Variants in PRKG2 observed in about 807,000 individuals in gnomAD.
PRKG2 encodes the protein protein kinase cGMP-dependent 2, also known as cGMP-dependent protein kinase 2.
A neutral mutation model predicts 97.2 loss-of-function variants in PRKG2; 33 were observed. That is an observed-to-expected ratio of 0.34 (90% CI 0.26 to 0.45). The LOEUF (loss-of-function observed/expected upper bound fraction) is 0.45, where lower values mean the gene tolerates loss of function less well. Ranked by LOEUF, PRKG2 falls within the 20% of genes least tolerant of loss-of-function variation. PRKG2 has a pLI of 1.00. For missense variants in PRKG2, 638 were observed against 900.0 expected (o/e 0.71, Z 3.73); for synonymous variants, 330 against 321.8 (o/e 1.03, Z -0.27).
intron 1 of PRKG2, among the ~76,000 whole-genome samples, chr4:81,208,078 T>G (rs1418616831): frequency 6.6e-6 from 1 of 152,184 alleles, no homozygotes; most frequent in Non-Finnish European, 1.5e-5. Flanking sequence ...GAGATAAAGA[T>G]CAGAATTTAA....
rs115653264 is a variant in PRKG2, at chr4:81,164,195, A to G, written c.912+2966T>C. 1.8e-3 allele frequency among the ~76,000 whole-genome samples: 276 copies of G among 152,258 alleles called. 2 individuals are homozygous for G. The highest frequency in any genetic ancestry group is 6.3e-3 in the African/African-American group (262 of 41,562). ...AATTCTATGATTTAAATGTTGAAAGAGCTCATAGAGATATGGCCCACCACT... is the reference window on the plus strand; with the variant it reads ...AATTCTATGATTTAAATGTTGAAAGGGCTCATAGAGATATGGCCCACCACT... On this transcript the variant is annotated intron_variant, in intron 6 of 18. Transcript: ENST00000264399.
intron 1 of PRKG2, among the ~76,000 whole-genome samples, chr4:81,209,730 A>G (rs569267951): frequency 8.3e-4 from 127 of 152,264 alleles, no homozygotes; most frequent in African/African-American, 2.9e-3. Context: ...AAGAGAATTT[A>G]TCTTAGAGGA....
At chr4:81,108,337 C>G (rs1313256016) in intron 15 of PRKG2, among the ~76,000 whole-genome samples, 3 of 152,098 alleles carry the variant, frequency 2.0e-5, no homozygotes, top group Non-Finnish European at 4.4e-5. Flanking sequence ...TGTTACTGAG[C>G]TTTCCCACTC....
chr4:81,181,711 T>TA (rs57180341), intron 2 of PRKG2, among the ~76,000 whole-genome samples: 36,232 of 151,616 alleles, frequency 0.24, 8,413 homozygotes, highest in African/African-American at 0.59. Flanking sequence ...ATTACAGTTA[T>TA]AAAAAAAGAA....
At chr4:81,121,480 G>A (rs1424256409) in intron 14 of PRKG2, among the ~76,000 whole-genome samples, 1 of 152,084 alleles carries the variant, frequency 6.6e-6, no homozygotes, top group East Asian at 1.9e-4. Flanking sequence ...TTCTTTAATA[G>A]ATATAGGCCT....
intron 11 of PRKG2, among the ~76,000 whole-genome samples, chr4:81,142,563 A>G (rs1747401348): frequency 1.3e-5 from 2 of 152,192 alleles, no homozygotes; most frequent in Non-Finnish European, 2.9e-5. Context: ...GAAAATTCAC[A>G]AAAGACGTGA....
At chr4:81,182,332 A>C (rs898238954) in intron 2 of PRKG2, among the ~76,000 whole-genome samples, 1 of 151,996 alleles carries the variant, frequency 6.6e-6, no homozygotes, top group African/African-American at 2.4e-5. Context: ...ATTTGGTAAA[A>C]TTAAACACCT....
intron 5 of PRKG2, among the ~76,000 whole-genome samples, chr4:81,167,467 CAG>C (rs776447251): frequency 2.7e-5 from 4 of 149,376 alleles, no homozygotes; most frequent in Non-Finnish European, 4.5e-5. Context: ...AGATACCAGA[CAG>C]GGGGAAAAAA....
In PRKG2 at chr4:81,129,006, T is replaced by G. The variant is rs372843833; in HGVS notation, c.1776+6149A>C. Among the ~76,000 whole-genome samples, 24 of 152,302 alleles carry G rather than the reference T, an allele frequency of 1.6e-4. 1 individual carries two copies. In the South Asian group the frequency reaches 4.1e-3, roughly 26 times the overall value. Reference sequence around the variant, plus strand: ...TTTAGCTGTGTCCCAGAAATTCTGGTATGTTGTGTCTTTGTTCTCATTGGT... The same window carrying G: ...TTTAGCTGTGTCCCAGAAATTCTGGGATGTTGTGTCTTTGTTCTCATTGGT... On this transcript the variant is annotated intron_variant, in intron 14 of 18. Coordinates refer to ENST00000264399, the MANE Select transcript of PRKG2 (RefSeq NM_006259.3).
intron 5 of PRKG2, among the ~76,000 whole-genome samples, chr4:81,167,684 T>C (rs1750107719): frequency 6.6e-6 from 1 of 152,030 alleles, no homozygotes; most frequent in South Asian, 2.1e-4. Context: ...GGAGGGAACA[T>C]GGGAATTGAC....
At chr4:81,111,070 A>C (rs943820367) in intron 14 of PRKG2, among the ~76,000 whole-genome samples, 3 of 152,032 alleles carry the variant, frequency 2.0e-5, no homozygotes, top group African/African-American at 7.2e-5. Context: ...AAAAATAAAA[A>C]CAAAATTGAG....
chr4:81,209,361 A>C (rs1322729972), intron 1 of PRKG2, among the ~76,000 whole-genome samples: 1 of 152,090 alleles, frequency 6.6e-6, no homozygotes, highest in Non-Finnish European at 1.5e-5. Flanking sequence ...GTCTGTTATA[A>C]ATATACACAG....
Position 81,137,375 on chromosome 4 carries a change from T to C in PRKG2, c.1634+18A>G, listed in dbSNP as rs767303385. The C allele has an allele frequency of 7.0e-6, 11 of 1,563,670 alleles. No homozygotes were observed. In the African/African-American group the frequency reaches 1.2e-4, roughly 17 times the overall value. ...ATAGCCCTTAGGCCAGATGTGAGTA[T>C]ACAAACTTTTTCATTACCTGTCCCT... On this transcript the variant is annotated intron_variant, in intron 13 of 18. Transcript: ENST00000264399.
Position 81,207,683 on chromosome 4 carries a change from G to A in PRKG2, c.-13-2623C>T, listed in dbSNP as rs1008195201. Among the ~76,000 whole-genome samples the A allele has an allele frequency of 4.6e-5, 7 of 152,278 alleles. No individual in the cohort carries two copies. In the South Asian group the frequency reaches 1.5e-3, roughly 32 times the overall value. On this transcript the variant is annotated intron_variant, in intron 1 of 18. Transcript: ENST00000264399. ...CACCAATTATCCTCTGGTTTAGTTGGAAGCTATGTAAATCTTTCAAGCTAT... is the reference window on the plus strand; with the variant it reads ...CACCAATTATCCTCTGGTTTAGTTGAAAGCTATGTAAATCTTTCAAGCTAT...
intron 6 of PRKG2, among the ~76,000 whole-genome samples, chr4:81,160,250 GT>G (rs2110071278): frequency 6.6e-6 from 1 of 152,236 alleles, no homozygotes; most frequent in South Asian, 2.1e-4. Context: ...TTTGGTTGTT[GT>G]TTTTGCCTAT....
At chr4:81,099,111 G>T (rs1742436328) in intron 17 of PRKG2, among the ~76,000 whole-genome samples, 1 of 152,166 alleles carries the variant, frequency 6.6e-6, no homozygotes, top group South Asian at 2.1e-4. Context: ...TGGGAGACAT[G>T]ACTGGTGCCT....
chr4:81,114,871 GT>G (rs575395288), intron 14 of PRKG2, among the ~76,000 whole-genome samples: 2 of 151,812 alleles, frequency 1.3e-5, no homozygotes, highest in Non-Finnish European at 2.9e-5. Context: ...ATACTTTATA[GT>G]TTTTTTAAAT....
At chr4:81,116,965 A>G (rs1453871285) in intron 14 of PRKG2, among the ~76,000 whole-genome samples, 4 of 112,422 alleles carry the variant, frequency 3.6e-5, no homozygotes, top group East Asian at 2.5e-4. Flanking sequence ...TCTGTAGGTT[A>G]TCTATTTACC....
At chr4:81,115,549 A>G (rs1696838685) in intron 14 of PRKG2, among the ~76,000 whole-genome samples, 1 of 152,202 alleles carries the variant, frequency 6.6e-6, no homozygotes, top group African/African-American at 2.4e-5. Context: ...GTAGCTGAGG[A>G]GTGATTCAGA....
Sources: allele counts gnomAD v4.1 joint callset (sites outside exome capture counted in the v4.1 genomes callset), GRCh38; gene constraint gnomAD v4.1.1; transcripts MANE v1.5; gene names NCBI Gene and HGNC (gene_info 2026-07-23, HGNC 2026-07-21).